Variants in SLIT3 observed in about 807,000 individuals in gnomAD.
The protein encoded by SLIT3 is slit homolog 3 protein.
A neutral mutation model predicts 184.0 loss-of-function variants in SLIT3; 68 were observed. That is an observed-to-expected ratio of 0.37 (90% CI 0.30 to 0.45). The LOEUF (loss-of-function observed/expected upper bound fraction) is 0.45, where lower values mean the gene tolerates loss of function less well. Among genes scored for constraint, SLIT3 ranks in the 20% least tolerant of loss-of-function variants. The probability of loss-of-function intolerance (pLI) is 1.00; values close to 1 mark genes in which losing one functional copy is unlikely to be tolerated. For synonymous variants in SLIT3, 831 were observed against 828.6 expected (o/e 1.00, Z -0.05); for missense variants, 1,707 against 2,026.0 (o/e 0.84, Z 3.02).
At chr5:168,843,310 C>T (rs1213232778) in intron 6 of SLIT3, among the ~76,000 whole-genome samples, 1 of 152,150 alleles carries the variant, frequency 6.6e-6, no homozygotes, top group Admixed American at 6.5e-5. Flanking sequence ...GAGGGAGGAC[C>T]TTTCACTCAT....
intron 20 of SLIT3, among the ~76,000 whole-genome samples, chr5:168,733,259 A>G (rs1007331220): frequency 1.3e-5 from 2 of 152,210 alleles, no homozygotes; most frequent in African/African-American, 2.4e-5. Flanking sequence ...TATCAGCAGA[A>G]TGACCATTAT....
At chr5:169,019,889 CT>C (rs1429389532) in intron 4 of SLIT3, among the ~76,000 whole-genome samples, 1 of 152,188 alleles carries the variant, frequency 6.6e-6, no homozygotes, top group African/African-American at 2.4e-5. Flanking sequence ...ACAGACATAA[CT>C]TTTTCAGTTC....
intron 5 of SLIT3, among the ~76,000 whole-genome samples, chr5:168,863,613 C>T (rs980530344): frequency 9.2e-5 from 14 of 152,140 alleles, no homozygotes; most frequent in African/African-American, 3.4e-4. Context: ...AGAGGCAGTG[C>T]AGGGCATGGC....
chr5:168,945,246 AT>A lies in SLIT3; in HGVS notation c.414-61911del, dbSNP rs34333315. On this transcript the variant is annotated intron_variant, in intron 4 of 35. Coordinates refer to ENST00000519560, the MANE Select transcript of SLIT3 (RefSeq NM_003062.4). ...CAAAAGCTTCGTGATTGGTATCCAC[AT>A]TTTTTTTTTTTTGAGACAAAGTCTC... 3.5e-3 allele frequency among the ~76,000 whole-genome samples: 511 copies of A among 147,870 alleles called. 1 individual carries two copies. The highest frequency in any genetic ancestry group is 9.4e-3 in the African/African-American group (378 of 40,382).
chr5:168,996,595 G>A lies in SLIT3; in HGVS notation c.414-113259C>T, dbSNP rs144964801. Among the ~76,000 whole-genome samples the A allele has an allele frequency of 1.7e-3, 265 of 152,282 alleles. 1 individual carries two copies. Among genetic ancestry groups the A allele is most frequent in the African/African-American group, 6.2e-3 (257 of 41,550 alleles). ...GATGCCACAGTAAATTCAGAAACAC[G>A]TAAGAAGCTATTGATTTCGATCCCC... is the stretch of plus-strand genomic sequence containing the variant. On this transcript the variant is annotated intron_variant, in intron 4 of 35. Coordinates refer to ENST00000519560, the MANE Select transcript of SLIT3 (RefSeq NM_003062.4).
chr5:168,933,938 T>C (rs934555966), intron 4 of SLIT3, among the ~76,000 whole-genome samples: 1 of 152,206 alleles, frequency 6.6e-6, no homozygotes, highest in Non-Finnish European at 1.5e-5. Context: ...CCTTCATTTA[T>C]TATTCAACCA....
intron 1 of SLIT3, among the ~76,000 whole-genome samples, chr5:169,260,415 G>A (rs1013460270): frequency 1.3e-5 from 2 of 152,172 alleles, no homozygotes; most frequent in African/African-American, 2.4e-5. Flanking sequence ...AGCTAAGCAG[G>A]GGATGCAGGA....
intron 4 of SLIT3, among the ~76,000 whole-genome samples, chr5:169,111,019 G>A (rs932822466): frequency 3.9e-5 from 6 of 152,098 alleles, no homozygotes; most frequent in Admixed American, 6.5e-5. Flanking sequence ...TCTCTGCAAC[G>A]GCCTTACTGA....
At chr5:168,816,638 C>T (rs569170838) in intron 8 of SLIT3, among the ~76,000 whole-genome samples, 4 of 152,280 alleles carry the variant, frequency 2.6e-5, no homozygotes, top group South Asian at 2.1e-4. Context: ...TGTTACATTT[C>T]GATTACCCAC....
At chr5:168,781,021 T>A (rs1755950352) in intron 12 of SLIT3, among the ~76,000 whole-genome samples, 2 of 152,212 alleles carry the variant, frequency 1.3e-5, no homozygotes, top group South Asian at 4.1e-4. Flanking sequence ...GGGGCAACAG[T>A]GGCTCTTCCC....
intron 4 of SLIT3, among the ~76,000 whole-genome samples, chr5:168,896,830 C>T (rs534556992): frequency 1.3e-5 from 2 of 152,294 alleles, no homozygotes; most frequent in East Asian, 3.9e-4. Flanking sequence ...GTGGCCCCTG[C>T]CCAAGCACAG....
chr5:169,237,181 T>C (rs1348254936), intron 3 of SLIT3, among the ~76,000 whole-genome samples: 1 of 152,246 alleles, frequency 6.6e-6, no homozygotes, highest in Non-Finnish European at 1.5e-5. Flanking sequence ...TCAGTGACGC[T>C]GATGCATACA....
intron 5 of SLIT3, among the ~76,000 whole-genome samples, chr5:168,863,510 C>T (rs1031434686): frequency 6.6e-6 from 1 of 152,228 alleles, no homozygotes; most frequent in Non-Finnish European, 1.5e-5. Flanking sequence ...TCATTCAAAA[C>T]TGACAGCCAC....
At chr5:169,044,325 G>A (rs1156778143) in intron 4 of SLIT3, among the ~76,000 whole-genome samples, 1 of 152,128 alleles carries the variant, frequency 6.6e-6, no homozygotes, top group Non-Finnish European at 1.5e-5. Flanking sequence ...CATGCACACA[G>A]AAACTTGCAT....
chr5:168,765,009 C>T (rs1755291163), intron 14 of SLIT3, among the ~76,000 whole-genome samples: 1 of 152,148 alleles, frequency 6.6e-6, no homozygotes, highest in South Asian at 2.1e-4. Context: ...AGTGATGGCA[C>T]GAAGGGGCAT....
rs1026169685 is a variant in SLIT3, at chr5:168,665,952, A to G, written c.*502T>C. 1 of 152,262 alleles carries G rather than the reference A, an allele frequency of 6.6e-6. No individual in the cohort carries two copies. Among genetic ancestry groups the G allele is most frequent in the African/African-American group, 2.4e-5 (1 of 41,436 alleles). The allele number at this position is 152,262 out of a possible 1,614,324, so 9.4% of individuals were successfully genotyped here. A position where few individuals can be genotyped will look rare whatever the true frequency, so the allele number is the denominator to read the frequency against. ...AAATAAAAGGGAGTTAAAAAACAAG[A>G]AACAAAGGTCTTTTCCTTCTCTCTC... On this transcript the variant is annotated 3_prime_UTR_variant, in exon 36 of 36. Coordinates refer to ENST00000519560, the MANE Select transcript of SLIT3 (RefSeq NM_003062.4).
At chr5:169,012,208 C>A (rs1346231413) in intron 4 of SLIT3, 1 of 152,172 alleles carries the variant, frequency 6.6e-6, no homozygotes, top group African/African-American at 2.4e-5. Flanking sequence ...TGGCATGAAG[C>A]TCTGCTGACC....
intron 35 of SLIT3, chr5:168,667,525 C>T (rs1761095027): frequency 3.9e-5 from 6 of 152,292 alleles, no homozygotes; most frequent in Admixed American, 3.9e-4. Flanking sequence ...AAAGGGCACC[C>T]CTGTATCTGC....
At chr5:168,840,443 AT>A (rs34042363) in intron 6 of SLIT3, among the ~76,000 whole-genome samples, 34,814 of 141,696 alleles carry the variant, frequency 0.25, 4,118 homozygotes, top group South Asian at 0.35. Context: ...AGAGTTAAGC[AT>A]TTTTTTTTTT....
Sources: allele counts gnomAD v4.1 joint callset (sites outside exome capture counted in the v4.1 genomes callset), GRCh38; gene constraint gnomAD v4.1.1; transcripts MANE v1.5; gene names NCBI Gene and HGNC (gene_info 2026-07-23, HGNC 2026-07-21).